The following PSD2 variants were observed in gnomAD, a reference collection of about 807,000 sequenced individuals.
PSD2 encodes the protein PH and SEC7 domain-containing protein 2.
A neutral mutation model predicts 69.8 loss-of-function variants in PSD2; 38 were observed. The ratio of observed to expected loss-of-function variants is 0.54; its 90% CI spans 0.42 to 0.71. PSD2 has a LOEUF of 0.71. Ranked by LOEUF, PSD2 falls within the 30% of genes least tolerant of loss-of-function variation. The pLI, the probability that PSD2 is intolerant of heterozygous loss-of-function variation, is 0.00. For synonymous variants in PSD2, 412 were observed against 423.0 expected (o/e 0.97, Z 0.32); for missense variants, 943 against 1,014.5 (o/e 0.93, Z 0.96).
At chr5:139,820,779 C>G (rs1228749020) in intron 5 of PSD2, among the ~76,000 whole-genome samples, 1 of 152,136 alleles carries the variant, frequency 6.6e-6, no homozygotes, top group Non-Finnish European at 1.5e-5. Context: ...AAGGCCTGGC[C>G]TGCTCTGAGG....
chr5:139,838,738 C>A lies in PSD2; in HGVS notation c.1934C>A (p.Pro645His). The change falls in exon 13 of 15, where the codon CCC becomes CAC. Residue 645 changes from proline to histidine, a missense_variant. Pro to His is a moderately conservative substitution (Grantham distance 77). Transcript: ENST00000274710. ...AGCTCCATGAAGAAGTTCTGTCGGC[C>A]CCTGCTGCCCTCCTGCACCACCCGC... The part of the protein sequence containing the change: ...AVSSMKKFCR[P>H]LLPSCTTRLC... 1 of 1,613,638 alleles carries A rather than the reference C, an allele frequency of 6.2e-7. No homozygotes were observed. Among genetic ancestry groups the A allele is most frequent in the Non-Finnish European group, 8.5e-7 (1 of 1,179,934 alleles).
chr5:139,813,772 C>A lies in PSD2; in HGVS notation c.821+14C>A. The A allele has an allele frequency of 6.3e-7, 1 of 1,584,164 alleles. No homozygotes were observed. On this transcript the variant is annotated intron_variant, in intron 3 of 14. Coordinates refer to ENST00000274710, the MANE Select transcript of PSD2 (RefSeq NM_032289.4). Reference sequence around the variant, plus strand: ...GAACTCAGCCAGGTGAGGCAGGGCCCAGGCTGGGAGAACCACCGAGCAGAT... The same window carrying A: ...GAACTCAGCCAGGTGAGGCAGGGCCAAGGCTGGGAGAACCACCGAGCAGAT...
At chr5:139,822,817 G>A (rs1420566224) in intron 7 of PSD2, 33 bp downstream of exon 7, 8 of 1,581,890 alleles carry the variant, frequency 5.1e-6, no homozygotes, top group East Asian at 4.6e-5. Context: ...GGTGTCGCAT[G>A]TCCTCTCAGG....
At chr5:139,770,564 T>A in the PSD2 span, among the ~76,000 whole-genome samples, 1 of 152,020 alleles carries the variant, frequency 6.6e-6, no homozygotes, top group Non-Finnish European at 1.5e-5. Context: ...AGACTCCGTG[T>A]CAAAAAAACA....
At chr5:139,780,793 CCTGTT>C in the PSD2 span, among the ~76,000 whole-genome samples, 1 of 152,140 alleles carries the variant, frequency 6.6e-6, no homozygotes, top group Non-Finnish European at 1.5e-5. Flanking sequence ...TCCAGCCAGT[CCTGTT>C]AATGATGAGA....
the PSD2 span, among the ~76,000 whole-genome samples, chr5:139,770,752 G>A: frequency 6.6e-6 from 1 of 152,180 alleles, no homozygotes; most frequent in African/African-American, 2.4e-5. Flanking sequence ...TAAGCTAAAA[G>A]CAGAGCATGT....
the PSD2 span, among the ~76,000 whole-genome samples, chr5:139,763,617 G>T: frequency 1.3e-5 from 2 of 152,210 alleles, no homozygotes; most frequent in East Asian, 3.8e-4. Flanking sequence ...CAATAGTCAG[G>T]CATGCCCTCC....
the PSD2 span, among the ~76,000 whole-genome samples, chr5:139,777,487 G>A: frequency 1.3e-5 from 2 of 152,168 alleles, no homozygotes; most frequent in African/African-American, 2.4e-5. Flanking sequence ...AAGGTCATTT[G>A]GTTGTAAGAC....
chr5:139,744,252 T>A, the PSD2 span, among the ~76,000 whole-genome samples: 2 of 152,128 alleles, frequency 1.3e-5, no homozygotes, highest in Non-Finnish European at 2.9e-5. Context: ...TAGACGGTGA[T>A]CCTGTATCAC....
At chr5:139,800,877 T>C (rs1211403910) in intron 1 of PSD2, among the ~76,000 whole-genome samples, 2 of 152,164 alleles carry the variant, frequency 1.3e-5, no homozygotes, top group African/African-American at 2.4e-5. Context: ...GAGCATCCCA[T>C]GAACAGATAT....
chr5:139,747,375 T>A, the PSD2 span, among the ~76,000 whole-genome samples: 1 of 151,998 alleles, frequency 6.6e-6, no homozygotes, highest in Non-Finnish European at 1.5e-5. This position sits in a 1 kb window ranked among gnomAD's most constrained non-coding sequence, Gnocchi z 6.7. Context: ...CCCCCCCAGC[T>A]GTTAACCTTC....
the PSD2 span, among the ~76,000 whole-genome samples, chr5:139,749,173 A>T: frequency 1.3e-5 from 2 of 152,118 alleles, 1 homozygote; most frequent in Admixed American, 1.3e-4. Context: ...GGCTTTGCTC[A>T]GTCGGTTCCC....
At chr5:139,774,791 CG>C in the PSD2 span, among the ~76,000 whole-genome samples, 3 of 152,166 alleles carry the variant, frequency 2.0e-5, no homozygotes, top group Non-Finnish European at 4.4e-5. Context: ...CGCCCGGCCC[CG>C]GGAAAGGCTT....
chr5:139,811,152 A>G (rs1180442131), intron 2 of PSD2, among the ~76,000 whole-genome samples: 1 of 152,132 alleles, frequency 6.6e-6, no homozygotes, highest in Non-Finnish European at 1.5e-5. Context: ...TCCAGAGGTC[A>G]GTAGAGGAAA....
At chr5:139,811,132 C>T (rs1412218988) in intron 2 of PSD2, among the ~76,000 whole-genome samples, 1 of 152,200 alleles carries the variant, frequency 6.6e-6, no homozygotes, top group Non-Finnish European at 1.5e-5. Flanking sequence ...CTTCTTTCCT[C>T]TCCTTTCCTT....
At chr5:139,810,657 C>G (rs114429623) in intron 2 of PSD2, among the ~76,000 whole-genome samples, 2,424 of 152,172 alleles carry the variant, frequency 0.016, 38 homozygotes, top group Non-Finnish European at 0.024. Flanking sequence ...GGCACATGTT[C>G]GTGTTATGTA....
the PSD2 span, among the ~76,000 whole-genome samples, chr5:139,776,230 A>T: frequency 2.6e-5 from 4 of 152,242 alleles, no homozygotes; most frequent in Admixed American, 6.5e-5. Flanking sequence ...ACCTCTGCTG[A>T]ATCTCCTCTG....
the PSD2 span, among the ~76,000 whole-genome samples, chr5:139,770,523 G>A: frequency 1.3e-5 from 2 of 152,022 alleles, no homozygotes; most frequent in African/African-American, 2.4e-5. Flanking sequence ...CTGAGATCGC[G>A]GCACTACACT....
rs185136353 is a variant in PSD2 at position 139,834,998 on chromosome 5, C to T, written c.1360-725C>T. Among the ~76,000 whole-genome samples the T allele has an allele frequency of 7.2e-5, 11 of 151,880 alleles. No homozygotes were observed. The East Asian group carries it at 2.1e-3, about 29-fold the overall frequency. On this transcript the variant is annotated intron_variant, in intron 8 of 14. Transcript: ENST00000274710. ...CACTCCTCGCATAGCAACCACTCAC[C>T]CATTCACCCGTCACCCACACAGACA...
Sources: gnomAD v4.1 joint callset for allele counts (sites outside exome capture counted in the v4.1 genomes callset) on GRCh38, gnomAD v4.1.1 for gene constraint, Gnocchi (gnomAD v3.1) non-coding constraint, MANE v1.5 for transcripts, NCBI Gene and HGNC (gene_info 2026-07-23, HGNC 2026-07-21) for gene names.